Variants in HYDIN observed in about 807,000 individuals in gnomAD.
HYDIN encodes HYDIN axonemal central pair apparatus protein, also known as axonemal central pair apparatus protein HYDIN.
In HYDIN, 132 loss-of-function variants were observed where a neutral mutation model predicts 403.9. The ratio of observed to expected loss-of-function variants is 0.33; its 90% CI spans 0.28 to 0.38. The LOEUF (loss-of-function observed/expected upper bound fraction) is 0.38, where lower values mean the gene tolerates loss of function less well. Among genes scored for constraint, HYDIN ranks in the 10% least tolerant of loss-of-function variants. The probability of loss-of-function intolerance (pLI) is 1.00; values close to 1 mark genes in which losing one functional copy is unlikely to be tolerated. For synonymous variants in HYDIN, 1,202 were observed against 1,891.7 expected (o/e 0.64, Z 9.46); for missense variants, 2,827 against 5,009.5 (o/e 0.56, Z 13.15).
intron 13 of HYDIN, among the ~76,000 whole-genome samples, chr16:71,079,019 C>T (rs1170160447): frequency 1.3e-5 from 2 of 152,008 alleles, no homozygotes; most frequent in Admixed American, 6.5e-5. Flanking sequence ...CCATATGTGG[C>T]GTGTACAACT....
At chr16:70,887,628 A>C (rs1262138204) in intron 58 of HYDIN, among the ~76,000 whole-genome samples, 1 of 151,942 alleles carries the variant, frequency 6.6e-6, no homozygotes, top group East Asian at 1.9e-4. Context: ...TTGTGAGAAC[A>C]ATAAGAAACA....
chr16:71,079,074 C>G (rs1051015589), intron 13 of HYDIN, among the ~76,000 whole-genome samples: 30 of 151,648 alleles, frequency 2.0e-4, no homozygotes, highest in African/African-American at 6.8e-4. Flanking sequence ...CTTTTCCTGT[C>G]TCTTCCTCCT....
intron 41 of HYDIN, among the ~76,000 whole-genome samples, chr16:70,945,094 G>A (rs1427212932): frequency 6.6e-6 from 1 of 152,358 alleles, no homozygotes; most frequent in South Asian, 2.1e-4. Context: ...GTCACATGAG[G>A]TGACATGAGT....
chr16:70,834,876 G>A (rs369824707), intron 78 of HYDIN, among the ~76,000 whole-genome samples: 70 of 93,128 alleles, frequency 7.5e-4, no homozygotes, highest in Non-Finnish European at 1.6e-3. Context: ...ATATATATAT[G>A]TGTGTGTGTG....
At chr16:71,003,235 A>G (rs1321906826) in intron 23 of HYDIN, among the ~76,000 whole-genome samples, 1 of 152,170 alleles carries the variant, frequency 6.6e-6, no homozygotes, top group Non-Finnish European at 1.5e-5. Context: ...TCCCTCTTCT[A>G]TATAAAGTTT....
chr16:70,974,881 T>C (rs1465331125), intron 31 of HYDIN, among the ~76,000 whole-genome samples: 1 of 152,214 alleles, frequency 6.6e-6, no homozygotes, highest in African/African-American at 2.4e-5. Flanking sequence ...TCTCAGAACA[T>C]GTTCAGCATG....
intron 64 of HYDIN, among the ~76,000 whole-genome samples, chr16:70,872,422 C>CATCATCT (rs1567741205): frequency 0.024 from 3,510 of 145,742 alleles, 157 homozygotes; most frequent in African/African-American, 0.09. Flanking sequence ...ATCATCCACC[C>CATCATCT]ACCCATCATC....
chr16:70,922,270 C>T (rs1774391), intron 45 of HYDIN, among the ~76,000 whole-genome samples: 23 of 152,366 alleles, frequency 1.5e-4, no homozygotes, highest in South Asian at 8.3e-4. Flanking sequence ...TATTCCTTCA[C>T]GCTCTGCCAA....
rs2079043174 is a variant in HYDIN, at chr16:70,981,429, A to G, written c.4472T>C (p.Phe1491Ser). The change falls in exon 29 of 86, where the codon TTT (phenylalanine) becomes TCT (serine). Residue 1491 changes from phenylalanine (F) to serine (S), a missense_variant. Transcript: ENST00000393567. ...GGGGAGATCGAGGCAGATTTGGGGA[A>G]AGATTCCCTCTCCGCTCAGAGTGAT... ...ENITLSGEGIFPQICLDLPRN... is the reference protein window; with the variant it reads ...ENITLSGEGISPQICLDLPRN... 1 of 1,613,578 alleles carries G rather than the reference A, an allele frequency of 6.2e-7. No homozygotes were observed. The highest frequency in any genetic ancestry group is 1.3e-5 in the African/African-American group (1 of 74,890).
intron 45 of HYDIN, among the ~76,000 whole-genome samples, chr16:70,925,747 C>T (rs1041631515): frequency 6.6e-6 from 1 of 151,590 alleles, no homozygotes; most frequent in African/African-American, 2.4e-5. Context: ...CTACAATGAA[C>T]TCAAACAAAT....
At chr16:70,958,498 A>C (rs1046701325) in intron 39 of HYDIN, among the ~76,000 whole-genome samples, 25 of 151,764 alleles carry the variant, frequency 1.6e-4, no homozygotes, top group Non-Finnish European at 3.1e-4. Context: ...GGATCCATCA[A>C]CCATCCTTCT....
intron 65 of HYDIN, 81 bp downstream of exon 65, chr16:70,871,956 C>T: frequency 9.5e-7 from 1 of 1,054,574 alleles, no homozygotes; most frequent in Admixed American, 2.3e-5. Flanking sequence ...TTCCATGCAT[C>T]CACGGGAAAG....
intron 23 of HYDIN, among the ~76,000 whole-genome samples, chr16:71,008,274 C>T (rs1467932160): frequency 1.3e-5 from 2 of 151,956 alleles, no homozygotes; most frequent in African/African-American, 4.8e-5. Context: ...GCACATGTAT[C>T]CCCTGAATTT....
intron 65 of HYDIN, among the ~76,000 whole-genome samples, chr16:70,871,805 C>A (rs538211642): frequency 7.7e-6 from 1 of 129,858 alleles, no homozygotes; most frequent in Non-Finnish European, 1.6e-5. Context: ...CCGTTGACAG[C>A]AGCCTAGCAA....
chr16:71,224,859 C>A (rs1165443378), intron 1 of HYDIN, among the ~76,000 whole-genome samples: 1 of 152,146 alleles, frequency 6.6e-6, no homozygotes, highest in Non-Finnish European at 1.5e-5. Context: ...CCGCGCCCGG[C>A]CTAAGGTTTT....
intron 45 of HYDIN, among the ~76,000 whole-genome samples, chr16:70,923,822 A>C (rs570854700): frequency 1.1e-3 from 150 of 141,788 alleles, no homozygotes; most frequent in Middle Eastern, 3.6e-3. Flanking sequence ...CTCTGTCTCA[A>C]AAAAAAAAAA....
Position 70,804,780 on chromosome 16 carries a change from T to C in HYDIN, c.*2800A>G, listed in dbSNP as rs965249338. Among the ~76,000 whole-genome samples the C allele has an allele frequency of 6.6e-6, 1 of 152,136 alleles. No homozygotes were observed. Among genetic ancestry groups the C allele is most frequent in the Admixed American group, 6.5e-5 (1 of 15,284 alleles). Reference sequence around the variant, plus strand: ...GGCTGATCTAGTGATTAATGCTGAGTGTGCTGCAACCTGGGTTCGTTTTTG... The same window carrying C: ...GGCTGATCTAGTGATTAATGCTGAGCGTGCTGCAACCTGGGTTCGTTTTTG... On this transcript the variant is annotated 3_prime_UTR_variant, in exon 86 of 86. Transcript: ENST00000393567.
chr16:71,152,347 T>A (rs555748515), intron 7 of HYDIN, among the ~76,000 whole-genome samples: 1 of 152,034 alleles, frequency 6.6e-6, no homozygotes, highest in African/African-American at 2.4e-5. Flanking sequence ...TAAAATTGAT[T>A]TTATTATTAT....
At chr16:70,859,190 A>T (rs1187848081) in intron 71 of HYDIN, among the ~76,000 whole-genome samples, 2 of 152,040 alleles carry the variant, frequency 1.3e-5, no homozygotes, top group Admixed American at 6.6e-5. Context: ...AGTCCGAGCT[A>T]CTCGGAAGGC....
Sources: gnomAD v4.1 joint callset for allele counts (sites outside exome capture counted in the v4.1 genomes callset) on GRCh38, gnomAD v4.1.1 for gene constraint, MANE v1.5 for transcripts, NCBI Gene and HGNC (gene_info 2026-07-23, HGNC 2026-07-21) for gene names.